The following SLC24A3 variants were observed in gnomAD, a reference collection of about 807,000 sequenced individuals.
SLC24A3 encodes the protein solute carrier family 24 member 3.
In SLC24A3, 28 loss-of-function variants were observed where a neutral mutation model predicts 75.8. That is an observed-to-expected ratio of 0.37 (90% CI 0.27 to 0.51). The LOEUF (loss-of-function observed/expected upper bound fraction) is 0.51. SLC24A3 is among the 20% of genes least tolerant of loss of function. The probability of loss-of-function intolerance (pLI) is 0.94; values close to 1 mark genes in which losing one functional copy is unlikely to be tolerated. For missense variants in SLC24A3, 663 were observed against 847.8 expected, an observed-to-expected ratio of 0.78 and a Z score of 2.71; for synonymous variants, 372 against 334.1, an observed-to-expected ratio of 1.11 and a Z score of -1.24.
intron 2 of SLC24A3, among the ~76,000 whole-genome samples, chr20:19,400,643 C>T (rs9631154): frequency 0.012 from 1,756 of 152,252 alleles, 29 homozygotes; most frequent in African/African-American, 0.04. Context: ...CCCTAGTGCC[C>T]TTCCCTGAGG....
intron 1 of SLC24A3, among the ~76,000 whole-genome samples, chr20:19,230,034 C>G (rs1228617441): frequency 6.7e-6 from 1 of 149,894 alleles, no homozygotes; most frequent in African/African-American, 2.5e-5. Flanking sequence ...AAATGGATTC[C>G]AAAATTTACA....
intron 13 of SLC24A3, 96 bp from the exon 14 acceptor site, chr20:19,696,701 C>A: frequency 1.2e-6 from 1 of 804,006 alleles, no homozygotes; most frequent in Non-Finnish European, 2.1e-6. Context: ...AGAGATAGCC[C>A]AGACCATAGC....
intron 2 of SLC24A3, among the ~76,000 whole-genome samples, chr20:19,425,414 G>A (rs1299743000): frequency 2.0e-5 from 3 of 151,982 alleles, no homozygotes; most frequent in Non-Finnish European, 2.9e-5. Context: ...ATTATCATCC[G>A]TTAAGAGTAC....
At chr20:19,602,210 C>G (rs1942331214) in intron 6 of SLC24A3, among the ~76,000 whole-genome samples, 1 of 152,092 alleles carries the variant, frequency 6.6e-6, no homozygotes, top group South Asian at 2.1e-4. Flanking sequence ...TATTGTTATT[C>G]CTAACATGTA....
At chr20:19,442,844 T>C (rs1174280578) in intron 2 of SLC24A3, among the ~76,000 whole-genome samples, 1 of 152,228 alleles carries the variant, frequency 6.6e-6, no homozygotes, top group African/African-American at 2.4e-5. Context: ...TTTTGGTCTA[T>C]GATCCATTTT....
chr20:19,327,895 G>A (rs1421291771), intron 2 of SLC24A3, among the ~76,000 whole-genome samples: 1 of 152,184 alleles, frequency 6.6e-6, no homozygotes, highest in Non-Finnish European at 1.5e-5. Context: ...TTCCATGCAT[G>A]GAGTTTCCAT....
At chr20:19,662,340 C>G (rs1223008779) in intron 7 of SLC24A3, among the ~76,000 whole-genome samples, 1 of 152,226 alleles carries the variant, frequency 6.6e-6, no homozygotes. Flanking sequence ...AAGTGCAACT[C>G]ATCGTTGAGG....
chr20:19,226,192 T>C (rs1981864517), intron 1 of SLC24A3, among the ~76,000 whole-genome samples: 1 of 152,202 alleles, frequency 6.6e-6, no homozygotes, highest in Admixed American at 6.5e-5. Flanking sequence ...GTTTTAATTC[T>C]TTAGACAGTT....
At chr20:19,624,929 G>T (rs1387043330) in intron 6 of SLC24A3, among the ~76,000 whole-genome samples, 1 of 152,058 alleles carries the variant, frequency 6.6e-6, no homozygotes, top group Non-Finnish European at 1.5e-5. Flanking sequence ...AATTTTTCGG[G>T]TCAGCAATTT....
intron 7 of SLC24A3, among the ~76,000 whole-genome samples, chr20:19,658,439 G>A (rs2032289737): frequency 6.6e-6 from 1 of 152,202 alleles, no homozygotes; most frequent in Non-Finnish European, 1.5e-5. Flanking sequence ...CGGAGACGTG[G>A]GGCGATCCAC....
At chr20:19,467,118 C>G (rs2122502273) in intron 2 of SLC24A3, among the ~76,000 whole-genome samples, 1 of 152,256 alleles carries the variant, frequency 6.6e-6, no homozygotes, top group Middle Eastern at 3.4e-3. Flanking sequence ...AAAGATCACT[C>G]TAGCTGTTGG....
intron 9 of SLC24A3, among the ~76,000 whole-genome samples, chr20:19,679,559 G>GGGAGAGGGAGAC (rs2032584436): frequency 6.8e-6 from 1 of 147,012 alleles, no homozygotes; most frequent in Admixed American, 6.7e-5. Context: ...GAGAGGGAGA[G>GGGAGAGGGAGAC]GGAGAGGGAG....
At chr20:19,613,956 T>C (rs2031703874) in intron 6 of SLC24A3, among the ~76,000 whole-genome samples, 1 of 152,186 alleles carries the variant, frequency 6.6e-6, no homozygotes, top group Non-Finnish European at 1.5e-5. Context: ...ACACCACCCT[T>C]GTTTGTCCTG....
chr20:19,593,243 G>T (rs1393078450), intron 6 of SLC24A3, among the ~76,000 whole-genome samples: 1 of 152,220 alleles, frequency 6.6e-6, no homozygotes, highest in Non-Finnish European at 1.5e-5. Flanking sequence ...TCACAGGCAA[G>T]TGGGGCTCTT....
intron 6 of SLC24A3, among the ~76,000 whole-genome samples, chr20:19,609,035 G>GCT (rs1450007156): frequency 6.6e-6 from 1 of 152,154 alleles, no homozygotes; most frequent in East Asian, 1.9e-4. Context: ...AATGAAGGAG[G>GCT]CTCCTGCAAT....
intron 3 of SLC24A3, among the ~76,000 whole-genome samples, chr20:19,531,726 C>T (rs1409732450): frequency 2.6e-5 from 4 of 152,144 alleles, no homozygotes; most frequent in Non-Finnish European, 5.9e-5. Flanking sequence ...ATAAATAATA[C>T]ATGGCCACTG....
At chr20:19,248,609 A>G (rs987507509) in intron 1 of SLC24A3, among the ~76,000 whole-genome samples, 2 of 152,152 alleles carry the variant, frequency 1.3e-5, no homozygotes, top group African/African-American at 4.8e-5. Context: ...AAAAACTAAA[A>G]TTAGAGTTAC....
At chr20:19,596,591 A>G (rs2122649599) in intron 6 of SLC24A3, among the ~76,000 whole-genome samples, 1 of 152,284 alleles carries the variant, frequency 6.6e-6, no homozygotes, top group East Asian at 1.9e-4. Context: ...GATGTTATTC[A>G]CTGGCCCTGC....
chr20:19,694,512 C>T (rs1237061603), intron 13 of SLC24A3: 3 of 151,946 alleles, frequency 2.0e-5, no homozygotes, highest in Non-Finnish European at 1.5e-5. Context: ...TTTTTAAAAC[C>T]CAAGTTTTAT....
Sources: gnomAD v4.1 joint callset for allele counts (sites outside exome capture counted in the v4.1 genomes callset) on GRCh38, gnomAD v4.1.1 for gene constraint, MANE v1.5 for transcripts, NCBI Gene and HGNC (gene_info 2026-07-23, HGNC 2026-07-21) for gene names.